Variants in CAMK1D observed in about 807,000 individuals in gnomAD.
CAMK1D encodes calcium/calmodulin-dependent protein kinase type 1D.
Under a neutral mutation model 47.7 loss-of-function variants are expected in CAMK1D, and 9 were observed. The ratio of observed to expected loss-of-function variants is 0.19; its 90% CI spans 0.11 to 0.33. CAMK1D has a LOEUF of 0.33. CAMK1D is among the 10% of genes least tolerant of loss of function. CAMK1D has a pLI of 1.00. For synonymous variants in CAMK1D, 184 were observed against 184.9 expected (o/e 0.99, Z 0.04); for missense variants, 291 against 488.7 (o/e 0.60, Z 3.81).
chr10:12,715,471 G>C (rs988031203), intron 3 of CAMK1D, among the ~76,000 whole-genome samples: 10 of 152,144 alleles, frequency 6.6e-5, no homozygotes, highest in Non-Finnish European at 1.2e-4. Flanking sequence ...AACAAATACT[G>C]CTCTGTAGAT....
chr10:12,579,497 T>G (rs1837597795), intron 2 of CAMK1D, among the ~76,000 whole-genome samples: 1 of 152,208 alleles, frequency 6.6e-6, no homozygotes, highest in South Asian at 2.1e-4. Flanking sequence ...GTCAGACCAT[T>G]GAGTCTGGTG....
At chr10:12,780,976 G>A (rs114691630) in intron 5 of CAMK1D, among the ~76,000 whole-genome samples, 1,561 of 152,350 alleles carry the variant, frequency 0.01, 29 homozygotes, top group African/African-American at 0.036. Flanking sequence ...CCTCTTCGTG[G>A]ACCTGACTCA....
intron 1 of CAMK1D, among the ~76,000 whole-genome samples, chr10:12,467,154 A>G (rs909708293): frequency 6.6e-6 from 1 of 151,770 alleles, no homozygotes; most frequent in Non-Finnish European, 1.5e-5. Flanking sequence ...GTCCACTCTC[A>G]TGTTTTCTTT....
chr10:12,596,280 C>A (rs770804957), intron 2 of CAMK1D, among the ~76,000 whole-genome samples: 90 of 152,188 alleles, frequency 5.9e-4, no homozygotes, highest in Non-Finnish European at 2.1e-4. Flanking sequence ...GTTCAGAGAT[C>A]TAGGCTTTGG....
intron 2 of CAMK1D, among the ~76,000 whole-genome samples, chr10:12,557,763 T>C (rs1348717107): frequency 6.6e-6 from 1 of 152,218 alleles, no homozygotes. Flanking sequence ...CTATTTTCCA[T>C]GGAAGTAGGC....
intron 1 of CAMK1D, among the ~76,000 whole-genome samples, chr10:12,509,608 A>G (rs2132160543): frequency 6.6e-6 from 1 of 152,268 alleles, no homozygotes; most frequent in Non-Finnish European, 1.5e-5. Context: ...ATGAGTATCC[A>G]GGTGTGGTGG....
At chr10:12,731,046 T>TTTTGG (rs908751387) in intron 3 of CAMK1D, among the ~76,000 whole-genome samples, 6 of 152,098 alleles carry the variant, frequency 3.9e-5, no homozygotes, top group South Asian at 2.1e-4. Context: ...AAGGTTTTGG[T>TTTTGG]TTTGGTTTGG....
intron 6 of CAMK1D, among the ~76,000 whole-genome samples, chr10:12,807,462 AGT>A (rs1464643463): frequency 6.6e-6 from 1 of 152,134 alleles, no homozygotes; most frequent in Admixed American, 6.5e-5. Flanking sequence ...GGCAAGATCC[AGT>A]GTAGTTATCA....
chr10:12,667,099 T>C (rs1840458362), intron 3 of CAMK1D: 8 of 346,420 alleles, frequency 2.3e-5, no homozygotes, highest in Non-Finnish European at 4.2e-5. Flanking sequence ...CTTTCTAATA[T>C]GCCAGGGCCA....
Position 12,777,115 on chromosome 10 carries a change from C to T in CAMK1D, c.565+7316C>T, listed in dbSNP as rs536658465. 7.9e-5 allele frequency among the ~76,000 whole-genome samples: 12 copies of T among 152,160 alleles called. No individual in the cohort carries two copies. The East Asian group carries it at 1.7e-3, about 22-fold the overall frequency. On this transcript the variant is annotated intron_variant, in intron 5 of 10. Coordinates refer to ENST00000619168, the MANE Select transcript of CAMK1D (RefSeq NM_153498.4). ...ATGGCTGCGTTTTAAAGCCGTGAAC[C>T]GGGATAGGCAATGAAGGAGAGGAAA... is the stretch of plus-strand genomic sequence containing the variant.
At chr10:12,356,977 C>T (rs1837537482) in intron 1 of CAMK1D, among the ~76,000 whole-genome samples, 1 of 151,982 alleles carries the variant, frequency 6.6e-6, no homozygotes, top group Non-Finnish European at 1.5e-5. Flanking sequence ...TTGAGTTTTC[C>T]TTTGGCTGGG....
At chr10:12,824,099 C>T (rs983407436) in intron 8 of CAMK1D, among the ~76,000 whole-genome samples, 1 of 151,414 alleles carries the variant, frequency 6.6e-6, no homozygotes, top group African/African-American at 2.4e-5. Context: ...TGTGTGGAGG[C>T]AGAGGGGATG....
At chr10:12,817,011 T>C (rs1420871881) in intron 8 of CAMK1D, among the ~76,000 whole-genome samples, 4 of 111,930 alleles carry the variant, frequency 3.6e-5, no homozygotes, top group Non-Finnish European at 7.8e-5. Flanking sequence ...GCAAGTCATA[T>C]CTTACATGGA....
chr10:12,818,087 G>C lies in CAMK1D; in HGVS notation c.833+1759G>C, dbSNP rs542535570. Among the ~76,000 whole-genome samples the C allele has an allele frequency of 1.5e-4, 23 of 152,236 alleles. No individual in the cohort carries two copies. The South Asian group carries it at 4.2e-3, about 28-fold the overall frequency. Reference sequence around the variant, plus strand: ...AATGAAAATAAATGGACAGAACCTTGAGATCAGGAGAAAATCCCCCTAAAA... The same window carrying C: ...AATGAAAATAAATGGACAGAACCTTCAGATCAGGAGAAAATCCCCCTAAAA... On this transcript the variant is annotated intron_variant, in intron 8 of 10. Transcript: ENST00000619168.
intron 9 of CAMK1D, among the ~76,000 whole-genome samples, chr10:12,824,857 C>T (rs974979468): frequency 6.6e-6 from 1 of 152,008 alleles, no homozygotes; most frequent in African/African-American, 2.4e-5. Context: ...TTTATTAAAG[C>T]GATATGGAGG....
At chr10:12,361,224 A>G (rs1277081493) in intron 1 of CAMK1D, among the ~76,000 whole-genome samples, 2 of 149,344 alleles carry the variant, frequency 1.3e-5, no homozygotes, top group Non-Finnish European at 3.0e-5. Flanking sequence ...AAATGGATAT[A>G]ATAACAAGAC....
At chr10:12,633,911 C>T (rs1476299987) in intron 2 of CAMK1D, among the ~76,000 whole-genome samples, 1 of 152,106 alleles carries the variant, frequency 6.6e-6, no homozygotes, top group Non-Finnish European at 1.5e-5. Flanking sequence ...ATGCCCTGAC[C>T]CTTTTGCAGT....
chr10:12,778,354 A>C (rs1046671046), intron 5 of CAMK1D, among the ~76,000 whole-genome samples: 1 of 152,164 alleles, frequency 6.6e-6, no homozygotes, highest in South Asian at 2.1e-4. Flanking sequence ...ACCCTTTTAC[A>C]TGTGGCGGCT....
chr10:12,644,820 A>G (rs1211933440), intron 2 of CAMK1D, among the ~76,000 whole-genome samples: 1 of 152,188 alleles, frequency 6.6e-6, no homozygotes, highest in African/African-American at 2.4e-5. Context: ...TATTAATATC[A>G]TGTTAATATT....
Sources: gnomAD v4.1 joint callset for allele counts (sites outside exome capture counted in the v4.1 genomes callset) on GRCh38, gnomAD v4.1.1 for gene constraint, MANE v1.5 for transcripts, NCBI Gene and HGNC (gene_info 2026-07-23, HGNC 2026-07-21) for gene names.